MCC: variants seen among roughly 807,000 people sequenced by gnomAD.
MCC encodes the protein colorectal mutant cancer protein.
In MCC, 90 loss-of-function variants were observed where a neutral mutation model predicts 116.2. The observed-to-expected ratio is 0.77, with a 90% CI of 0.65 to 0.92. MCC has a LOEUF of 0.92. MCC is among the 40% of genes least tolerant of loss of function. The probability of loss-of-function intolerance (pLI) is 0.00; values close to 1 mark genes in which losing one functional copy is unlikely to be tolerated. For synonymous variants in MCC, 578 were observed against 510.5 expected, an observed-to-expected ratio of 1.13 and a Z score of -1.78; for missense variants, 1,516 against 1,312.2, an observed-to-expected ratio of 1.16 and a Z score of -2.40.
chr5:113,438,225 G>C (rs1580375729), intron 1 of MCC, among the ~76,000 whole-genome samples: 1 of 152,040 alleles, frequency 6.6e-6, no homozygotes, highest in African/African-American at 2.4e-5. Flanking sequence ...ACTAGAAATT[G>C]TTAAGGTCCT....
chr5:113,080,374 T>C (rs1243318604), intron 11 of MCC, among the ~76,000 whole-genome samples: 1 of 152,218 alleles, frequency 6.6e-6, no homozygotes, highest in Admixed American at 6.5e-5. Flanking sequence ...TATGGCACTA[T>C]TCACAATAGC....
chr5:113,386,305 G>T (rs1769253128), intron 1 of MCC, among the ~76,000 whole-genome samples: 1 of 152,114 alleles, frequency 6.6e-6, no homozygotes, highest in African/African-American at 2.4e-5. Context: ...ACCTAATCAT[G>T]CTAAGACCAC....
chr5:113,075,400 G>A (rs550708556), intron 11 of MCC, among the ~76,000 whole-genome samples: 4 of 152,186 alleles, frequency 2.6e-5, no homozygotes, highest in East Asian at 1.9e-4. Context: ...CCCATCGACC[G>A]CCCAAGGGCT....
chr5:113,101,244 C>A (rs752903759), intron 8 of MCC, among the ~76,000 whole-genome samples: 1 of 151,880 alleles, frequency 6.6e-6, no homozygotes, highest in Non-Finnish European at 1.5e-5. Context: ...ACACAATGTA[C>A]AAGATATGGC....
At chr5:113,470,585 C>G (rs534106224) in intron 1 of MCC, among the ~76,000 whole-genome samples, 105 of 152,124 alleles carry the variant, frequency 6.9e-4, no homozygotes, top group Non-Finnish European at 1.4e-3. Flanking sequence ...TTGTGGGTAA[C>G]CTGACCTTTC....
At chr5:113,339,510 T>C (rs1031398427) in intron 3 of MCC, among the ~76,000 whole-genome samples, 7 of 151,902 alleles carry the variant, frequency 4.6e-5, no homozygotes, top group Non-Finnish European at 1.0e-4. Flanking sequence ...TGCATTCCAT[T>C]TAGTTGTCGT....
At position 113,470,849 on chromosome 5, in the gene MCC, T is replaced by A. The variant is rs200764801; in HGVS notation, c.170+17396A>T. The stretch of plus-strand genomic sequence containing the variant: ...ATGTAGATTTGGTCTTTTCACATAG[T>A]CCCATATTTCTTGGAGACTTTGTTC... On this transcript the variant is annotated intron_variant, in intron 1 of 18. Transcript: ENST00000408903. 2.3e-3 allele frequency among the ~76,000 whole-genome samples: 344 copies of A among 151,972 alleles called. 10 individuals carry two copies. The East Asian group carries it at 0.059, about 26-fold the overall frequency.
At chr5:113,169,286 CAGA>C (rs749089023) in intron 3 of MCC, among the ~76,000 whole-genome samples, 22 of 152,028 alleles carry the variant, frequency 1.4e-4, no homozygotes, top group Non-Finnish European at 2.2e-4. Context: ...CCAAGAAACC[CAGA>C]AGGAGAAAGG....
chr5:113,374,248 T>G (rs1328131758), intron 2 of MCC, among the ~76,000 whole-genome samples: 1 of 150,232 alleles, frequency 6.7e-6, no homozygotes, highest in Non-Finnish European at 1.5e-5. Flanking sequence ...GCCATTGCAA[T>G]AGTCGCTCCA....
intron 3 of MCC, among the ~76,000 whole-genome samples, chr5:113,183,911 C>T (rs1761755068): frequency 6.6e-6 from 1 of 152,020 alleles, no homozygotes; most frequent in Admixed American, 6.6e-5. Flanking sequence ...TGCCCGCCCC[C>T]ACCCATCTTC....
At chr5:113,085,061 C>T (rs1755110294) in intron 9 of MCC, 103 bp downstream of exon 9, 1 of 1,502,534 alleles carries the variant, frequency 6.7e-7, no homozygotes, top group Non-Finnish European at 9.2e-7. Context: ...GCCCCTTGTG[C>T]TGTCTCAGCT....
At chr5:113,451,889 G>A (rs1771408718) in intron 1 of MCC, among the ~76,000 whole-genome samples, 1 of 152,208 alleles carries the variant, frequency 6.6e-6, no homozygotes, top group Non-Finnish European at 1.5e-5. Context: ...ATGATTCTGT[G>A]GGTTGGCTGG....
At chr5:113,160,560 C>A (rs73244728) in intron 3 of MCC, among the ~76,000 whole-genome samples, 1 of 152,234 alleles carries the variant, frequency 6.6e-6, no homozygotes, top group African/African-American at 2.4e-5. Context: ...GAATGAAAGC[C>A]CAGGTCTGTC....
intron 3 of MCC, among the ~76,000 whole-genome samples, chr5:113,339,068 A>T (rs1767938476): frequency 6.6e-6 from 1 of 152,052 alleles, no homozygotes; most frequent in Non-Finnish European, 1.5e-5. Flanking sequence ...CTAAAAAAAA[A>T]AAATACAAAA....
intron 3 of MCC, among the ~76,000 whole-genome samples, chr5:113,318,389 A>G (rs1767340543): frequency 6.6e-6 from 1 of 152,196 alleles, no homozygotes; most frequent in Non-Finnish European, 1.5e-5. Flanking sequence ...TTGCCAGACT[A>G]TGTACCATCT....
At chr5:113,193,051 C>A (rs1186290311) in intron 3 of MCC, among the ~76,000 whole-genome samples, 2 of 152,194 alleles carry the variant, frequency 1.3e-5, no homozygotes, top group Non-Finnish European at 2.9e-5. Flanking sequence ...CTCAGCTCTT[C>A]CTATTCTAGC....
chr5:113,471,324 T>A (rs533253463), intron 1 of MCC, among the ~76,000 whole-genome samples: 1 of 152,332 alleles, frequency 6.6e-6, no homozygotes, highest in Admixed American at 6.5e-5. Flanking sequence ...CTTTGGTCTT[T>A]GATGATGGTG....
chr5:113,375,852 C>G (rs1399441513), intron 2 of MCC, among the ~76,000 whole-genome samples: 1 of 152,028 alleles, frequency 6.6e-6, no homozygotes, highest in Non-Finnish European at 1.5e-5. Context: ...ACAAGGCCAC[C>G]CTAGATTTAA....
At chr5:113,029,902 G>C (rs1047507434) in intron 17 of MCC, among the ~76,000 whole-genome samples, 1 of 152,194 alleles carries the variant, frequency 6.6e-6, no homozygotes, top group Non-Finnish European at 1.5e-5. Flanking sequence ...CTCCCCCATG[G>C]TCATGTTGGG....
Sources: gnomAD v4.1 joint callset for allele counts (sites outside exome capture counted in the v4.1 genomes callset) on GRCh38, gnomAD v4.1.1 for gene constraint, MANE v1.5 for transcripts, NCBI Gene and HGNC (gene_info 2026-07-23, HGNC 2026-07-21) for gene names.